Variants in SH3D19 observed in about 807,000 individuals in gnomAD.
SH3D19 encodes SH3 domain-containing protein 19.
Under a neutral mutation model 112.1 loss-of-function variants are expected in SH3D19, and 58 were observed. The observed-to-expected ratio is 0.52, with a 90% CI of 0.42 to 0.64. The LOEUF (loss-of-function observed/expected upper bound fraction) is 0.64. SH3D19 is among the 30% of genes least tolerant of loss of function. The pLI, the probability that SH3D19 is intolerant of heterozygous loss-of-function variation, is 0.00. For synonymous variants in SH3D19, 391 were observed against 448.5 expected (o/e 0.87, Z 1.62); for missense variants, 1,090 against 1,263.4 (o/e 0.86, Z 2.08).
At chr4:151,258,386 T>C (rs1772103515) in intron 1 of SH3D19, among the ~76,000 whole-genome samples, 1 of 152,152 alleles carries the variant, frequency 6.6e-6, no homozygotes, top group African/African-American at 2.4e-5. Context: ...GCACAGCCAT[T>C]TGAGATCCCA....
intron 1 of SH3D19, among the ~76,000 whole-genome samples, chr4:151,265,616 A>AC (rs1437055171): frequency 8.0e-6 from 1 of 125,706 alleles, no homozygotes; most frequent in African/African-American, 3.2e-5. Flanking sequence ...TTGCTGTGTC[A>AC]CCCAGGCTGG....
At chr4:151,304,802 A>G (rs181847526) in intron 1 of SH3D19, among the ~76,000 whole-genome samples, 197 of 152,290 alleles carry the variant, frequency 1.3e-3, no homozygotes, top group African/African-American at 4.7e-3. Flanking sequence ...AAAAGACCTG[A>G]GAAGGCCCTA....
intron 7 of SH3D19, among the ~76,000 whole-genome samples, chr4:151,168,136 C>T (rs1023209411): frequency 2.6e-5 from 4 of 152,062 alleles, no homozygotes; most frequent in African/African-American, 9.7e-5. Flanking sequence ...AGACAAGAAA[C>T]AATACATGTA....
At chr4:151,216,118 C>T (rs184569002) in intron 2 of SH3D19, among the ~76,000 whole-genome samples, 4 of 152,238 alleles carry the variant, frequency 2.6e-5, no homozygotes, top group South Asian at 4.1e-4. Flanking sequence ...CATGAGCCAC[C>T]GCGCCCAGCC....
At chr4:151,190,956 G>C (rs1019769785) in intron 2 of SH3D19, among the ~76,000 whole-genome samples, 2 of 152,188 alleles carry the variant, frequency 1.3e-5, no homozygotes, top group African/African-American at 4.8e-5. Context: ...TGGTGGGGAG[G>C]CTATACCCTG....
chr4:151,189,294 T>C (rs1762264869), intron 2 of SH3D19, among the ~76,000 whole-genome samples: 1 of 152,000 alleles, frequency 6.6e-6, no homozygotes, highest in African/African-American at 2.4e-5. Flanking sequence ...TTTGTATTTT[T>C]AGTAGAGACA....
intron 1 of SH3D19, among the ~76,000 whole-genome samples, chr4:151,273,343 C>G (rs2149999089): frequency 6.6e-6 from 1 of 152,188 alleles, no homozygotes; most frequent in African/African-American, 2.4e-5. Context: ...GTAATCCCAG[C>G]ACTTTGGGAG....
intron 1 of SH3D19, among the ~76,000 whole-genome samples, 173 bp downstream of exon 1, chr4:151,325,068 G>C (rs368294176): frequency 6.6e-6 from 1 of 152,202 alleles, no homozygotes; most frequent in Non-Finnish European, 1.5e-5. Context: ...GGCTCGGCCG[G>C]AAAGTGAGGA....
intron 1 of SH3D19, among the ~76,000 whole-genome samples, chr4:151,283,639 G>A (rs1198421017): frequency 6.6e-6 from 1 of 150,524 alleles, no homozygotes; most frequent in Non-Finnish European, 1.5e-5. Flanking sequence ...TCCCACTTCA[G>A]CCTCCTGAGT....
At chr4:151,296,004 C>T (rs1437354256) in intron 1 of SH3D19, among the ~76,000 whole-genome samples, 1 of 148,554 alleles carries the variant, frequency 6.7e-6, no homozygotes, top group African/African-American at 2.5e-5. Flanking sequence ...CCACTGCACT[C>T]CAGCCTGGCG....
chr4:151,310,138 C>T (rs1729300754), intron 1 of SH3D19, among the ~76,000 whole-genome samples: 1 of 148,950 alleles, frequency 6.7e-6, no homozygotes, highest in Admixed American at 6.9e-5. Flanking sequence ...CTTTGGGAGC[C>T]TGAGGCAGGA....
intron 1 of SH3D19, among the ~76,000 whole-genome samples, chr4:151,252,137 T>C (rs1771465858): frequency 6.6e-6 from 1 of 152,212 alleles, no homozygotes; most frequent in Non-Finnish European, 1.5e-5. Context: ...TGCAGCACTA[T>C]TTGCTTTCTC....
At chr4:151,299,118 C>G (rs533746353) in intron 1 of SH3D19, among the ~76,000 whole-genome samples, 10 of 152,140 alleles carry the variant, frequency 6.6e-5, no homozygotes, top group Admixed American at 3.9e-4. Context: ...TTTATGATAA[C>G]AGAAAGCTAT....
chr4:151,185,481 C>A (rs149165405), intron 3 of SH3D19, among the ~76,000 whole-genome samples: 1 of 152,232 alleles, frequency 6.6e-6, no homozygotes, highest in East Asian at 1.9e-4. Context: ...TGCCTAAGTT[C>A]TAGATCCTAA....
At chr4:151,267,824 T>A (rs1772927235) in intron 1 of SH3D19, among the ~76,000 whole-genome samples, 1 of 152,132 alleles carries the variant, frequency 6.6e-6, no homozygotes, top group Non-Finnish European at 1.5e-5. Context: ...TTAAAGGGCA[T>A]TAGTGTTTCA....
At chr4:151,154,547 T>C (rs1163636225) in intron 9 of SH3D19, among the ~76,000 whole-genome samples, 1 of 149,740 alleles carries the variant, frequency 6.7e-6, no homozygotes, top group Non-Finnish European at 1.5e-5. Context: ...CCCAAAGTGC[T>C]GGATTACAGG....
At chr4:151,127,051 A>C (rs1419590473) in intron 19 of SH3D19, among the ~76,000 whole-genome samples, 4 of 151,650 alleles carry the variant, frequency 2.6e-5, no homozygotes, top group Non-Finnish European at 5.9e-5. Context: ...CTGGGATTAC[A>C]GGCGCCTGCC....
At chr4:151,269,853 C>T (rs1204612581) in intron 1 of SH3D19, among the ~76,000 whole-genome samples, 1 of 151,012 alleles carries the variant, frequency 6.6e-6, no homozygotes, top group Non-Finnish European at 1.5e-5. Flanking sequence ...AAAACAAAAA[C>T]AAAAAAACTA....
intron 9 of SH3D19, 90 bp from the exon 10 acceptor site, chr4:151,149,651 TAC>T: frequency 8.8e-7 from 1 of 1,142,262 alleles, no homozygotes; most frequent in Non-Finnish European, 1.3e-6. Context: ...TGGCTGGATC[TAC>T]AAGTAGAAAT....
Sources: gnomAD v4.1 joint callset for allele counts (sites outside exome capture counted in the v4.1 genomes callset) on GRCh38, gnomAD v4.1.1 for gene constraint, MANE v1.5 for transcripts, NCBI Gene and HGNC (gene_info 2026-07-23, HGNC 2026-07-21) for gene names.